The following CDKAL1 variants were observed in gnomAD, a reference collection of about 807,000 sequenced individuals.
The protein encoded by CDKAL1 is threonylcarbamoyladenosine tRNA methylthiotransferase.
In CDKAL1, 32 loss-of-function variants were observed where a neutral mutation model predicts 68.2. The observed-to-expected ratio is 0.47, with a 90% CI of 0.35 to 0.63. CDKAL1 has a LOEUF of 0.63. Ranked by LOEUF, CDKAL1 falls within the 30% of genes least tolerant of loss-of-function variation. The pLI is 0.00. For synonymous variants in CDKAL1, 234 were observed against 244.3 expected, an observed-to-expected ratio of 0.96 and a Z score of 0.39; for missense variants, 606 against 696.7, an observed-to-expected ratio of 0.87 and a Z score of 1.47.
At chr6:20,799,040 G>GTTGTTTTTTTTTTTTT (rs1776242510) in intron 8 of CDKAL1, among the ~76,000 whole-genome samples, 1 of 47,482 alleles carries the variant, frequency 2.1e-5, no homozygotes, top group African/African-American at 8.5e-5. Context: ...AAAGAACTGA[G>GTTGTTTTTTTTTTTTT]TTTTTTTTTT....
chr6:20,623,741 T>A (rs999240783), intron 4 of CDKAL1, among the ~76,000 whole-genome samples: 1 of 151,990 alleles, frequency 6.6e-6, no homozygotes, highest in African/African-American at 2.4e-5. Flanking sequence ...TTATTATCAG[T>A]CTATTTTGAT....
intron 4 of CDKAL1, among the ~76,000 whole-genome samples, chr6:20,552,666 ATTATATG>A (rs1763881287): frequency 7.0e-6 from 1 of 143,546 alleles, no homozygotes; most frequent in South Asian, 2.2e-4. Context: ...GCTTTTATAT[ATTATATG>A]TATTTGTATT....
At chr6:20,746,365 T>C (rs936963899) in intron 6 of CDKAL1, among the ~76,000 whole-genome samples, 2 of 152,228 alleles carry the variant, frequency 1.3e-5, no homozygotes, top group African/African-American at 2.4e-5. Flanking sequence ...GATGAAAATA[T>C]ACTGGGAGAT....
intron 2 of CDKAL1, among the ~76,000 whole-genome samples, chr6:20,544,595 CAAAAAAAAAAAAAAA>C (rs747920604): frequency 1.8e-5 from 1 of 56,720 alleles, no homozygotes; most frequent in Non-Finnish European, 3.3e-5. Flanking sequence ...AACTCCGTCT[CAAAAAAAAAAAAAAA>C]AAAAAAAAAA....
intron 4 of CDKAL1, among the ~76,000 whole-genome samples, chr6:20,612,108 A>T (rs1432486678): frequency 6.6e-6 from 1 of 152,174 alleles, no homozygotes; most frequent in East Asian, 1.9e-4. Context: ...GCCAAATAGC[A>T]TTCCATTGTA....
At chr6:21,162,192 T>C (rs1776956388) in intron 13 of CDKAL1, among the ~76,000 whole-genome samples, 1 of 152,218 alleles carries the variant, frequency 6.6e-6, no homozygotes, top group Admixed American at 6.5e-5. Flanking sequence ...GTAAGGTTTT[T>C]AATTTCACTA....
chr6:20,603,956 T>G (rs1347971220), intron 4 of CDKAL1, among the ~76,000 whole-genome samples: 12 of 151,410 alleles, frequency 7.9e-5, no homozygotes, highest in African/African-American at 2.9e-4. Context: ...TTTGTATAGT[T>G]GCTAATGTTT....
intron 12 of CDKAL1, among the ~76,000 whole-genome samples, chr6:21,083,345 C>G (rs538691746): frequency 2.4e-4 from 37 of 152,056 alleles, no homozygotes; most frequent in Admixed American, 8.5e-4. Context: ...GATTTTGGAG[C>G]ATTTTGGATT....
chr6:21,090,805 CTTTT>C (rs67647227), intron 12 of CDKAL1, among the ~76,000 whole-genome samples: 2 of 132,614 alleles, frequency 1.5e-5, no homozygotes, highest in Admixed American at 7.7e-5. Context: ...TTTCTTTTTT[CTTTT>C]TTTTTTTTTT....
At chr6:21,159,404 C>T (rs995973814) in intron 13 of CDKAL1, among the ~76,000 whole-genome samples, 27 of 152,162 alleles carry the variant, frequency 1.8e-4, no homozygotes, top group Admixed American at 1.4e-3. Flanking sequence ...CATTCTTGTT[C>T]CTCTCTCGAA....
intron 5 of CDKAL1, among the ~76,000 whole-genome samples, chr6:20,688,841 G>T (rs1279431978): frequency 1.3e-5 from 2 of 152,186 alleles, no homozygotes; most frequent in Admixed American, 1.3e-4. Context: ...GAAGTACTGA[G>T]AAACAGAAAC....
intron 10 of CDKAL1, among the ~76,000 whole-genome samples, chr6:20,984,373 C>G (rs543568435): frequency 6.6e-6 from 1 of 152,094 alleles, no homozygotes; most frequent in Admixed American, 6.5e-5. Flanking sequence ...TGGGTGCTAG[C>G]AGGCAAAAAT....
At chr6:20,783,767 G>C (rs1057353620) in intron 8 of CDKAL1, among the ~76,000 whole-genome samples, 1 of 152,122 alleles carries the variant, frequency 6.6e-6, no homozygotes, top group African/African-American at 2.4e-5. Context: ...AGCTCCTTGG[G>C]GGCTGAATGT....
intron 4 of CDKAL1, among the ~76,000 whole-genome samples, chr6:20,611,366 A>G (rs1766609442): frequency 6.6e-6 from 1 of 152,086 alleles, no homozygotes; most frequent in Non-Finnish European, 1.5e-5. Context: ...TCCTTTGTGC[A>G]GTGATCCACC....
intron 4 of CDKAL1, among the ~76,000 whole-genome samples, chr6:20,567,452 C>T (rs1764506703): frequency 6.6e-6 from 1 of 152,010 alleles, no homozygotes; most frequent in South Asian, 2.1e-4. Flanking sequence ...GATTTAAGCA[C>T]ACATTTAGTC....
At chr6:20,657,437 T>C (rs1769077558) in intron 5 of CDKAL1, among the ~76,000 whole-genome samples, 1 of 152,212 alleles carries the variant, frequency 6.6e-6, no homozygotes, top group South Asian at 2.1e-4. Context: ...TACTTATTCC[T>C]GTGTGTCATC....
chr6:20,946,707 C>T (rs752514047), intron 9 of CDKAL1, among the ~76,000 whole-genome samples: 4 of 151,480 alleles, frequency 2.6e-5, no homozygotes, highest in Non-Finnish European at 5.9e-5. Context: ...AAGTGATTCT[C>T]CTGCTCAGCC....
intron 9 of CDKAL1, among the ~76,000 whole-genome samples, chr6:20,943,252 T>C (rs1764070183): frequency 6.6e-6 from 1 of 150,808 alleles, no homozygotes. Flanking sequence ...TGTCACTCTT[T>C]TCTTTGTTCT....
chr6:20,577,563 A>G (rs1235419126), intron 4 of CDKAL1, among the ~76,000 whole-genome samples: 1 of 152,222 alleles, frequency 6.6e-6, no homozygotes, highest in East Asian at 1.9e-4. Context: ...CATAATAGCT[A>G]GAATGGAATA....
Sources: allele counts gnomAD v4.1 joint callset (sites outside exome capture counted in the v4.1 genomes callset), GRCh38; gene constraint gnomAD v4.1.1; transcripts MANE v1.5; gene names NCBI Gene and HGNC (gene_info 2026-07-23, HGNC 2026-07-21).